Variants in COL5A2 observed in about 807,000 individuals in gnomAD.
COL5A2 encodes collagen alpha-2(V) chain.
In COL5A2, 23 loss-of-function variants were observed where a neutral mutation model predicts 208.2. The observed-to-expected ratio is 0.11, with a 90% CI of 0.08 to 0.16. The LOEUF is 0.16. Among genes scored for constraint, COL5A2 ranks in the 10% least tolerant of loss-of-function variants. The pLI, the probability that COL5A2 is intolerant of heterozygous loss-of-function variation, is 1.00. For missense variants in COL5A2, 1,590 were observed against 1,956.4 expected (o/e 0.81, Z 3.53); for synonymous variants, 625 against 628.5 (o/e 0.99, Z 0.08).
chr2:189,356,950 C>T, the COL5A2 span, among the ~76,000 whole-genome samples: 108 of 152,246 alleles, frequency 7.1e-4, no homozygotes, highest in African/African-American at 2.5e-3. Context: ...GATGTTGATG[C>T]TATTCCTTTC....
intron 1 of COL5A2, among the ~76,000 whole-genome samples, chr2:189,191,145 A>AC (rs1417360867): frequency 3.0e-5 from 2 of 65,658 alleles, no homozygotes; most frequent in Admixed American, 1.5e-4. Context: ...AACCATAAAA[A>AC]AAAAAACAAA....
At chr2:189,402,465 C>T in the COL5A2 span, among the ~76,000 whole-genome samples, 43 of 152,174 alleles carry the variant, frequency 2.8e-4, no homozygotes, top group Non-Finnish European at 1.3e-4. Flanking sequence ...GTGATCCATC[C>T]GCCTCAGCCC....
chr2:189,111,317 C>T lies in COL5A2; in HGVS notation c.98-868G>A, dbSNP rs115066582. On this transcript the variant is annotated intron_variant, in intron 1 of 53. Transcript: ENST00000374866. Reference sequence around the variant, plus strand: ...GTAAACACATATATTACATCATTAACTTTGTGATTTTATAAGAAATACTAC... The same window carrying T: ...GTAAACACATATATTACATCATTAATTTTGTGATTTTATAAGAAATACTAC... Among the ~76,000 whole-genome samples, 795 of 152,218 alleles carry T rather than the reference C, an allele frequency of 5.2e-3. 5 individuals are homozygous for T. The highest frequency in any genetic ancestry group is 0.018 in the African/African-American group (736 of 41,520).
intron 4 of COL5A2, 44 bp downstream of exon 4, chr2:189,100,063 G>A: frequency 1.3e-6 from 2 of 1,485,872 alleles, no homozygotes; most frequent in Middle Eastern, 1.8e-4. Flanking sequence ...TATAAGCTAA[G>A]TTTATTTAAG....
intron 1 of COL5A2, among the ~76,000 whole-genome samples, chr2:189,118,793 T>A (rs1364137033): frequency 6.6e-6 from 1 of 152,156 alleles, no homozygotes; most frequent in Non-Finnish European, 1.5e-5. Context: ...TATTCAGTTT[T>A]GTTCTGCTTT....
chr2:189,413,770 C>A, the COL5A2 span, among the ~76,000 whole-genome samples: 1 of 146,144 alleles, frequency 6.8e-6, no homozygotes, highest in Non-Finnish European at 1.5e-5. Flanking sequence ...AGAAAAACAG[C>A]TTCCTTGGCG....
the COL5A2 span, among the ~76,000 whole-genome samples, chr2:189,335,578 T>C: frequency 8.5e-5 from 13 of 152,256 alleles, 1 homozygote; most frequent in South Asian, 2.7e-3. Context: ...AATTGATGAA[T>C]GAATTTTAAA....
the COL5A2 span, among the ~76,000 whole-genome samples, chr2:189,334,257 C>CA: frequency 6.6e-6 from 1 of 151,102 alleles, no homozygotes; most frequent in Non-Finnish European, 1.5e-5. Context: ...CTAGCCAGTA[C>CA]AAAAAATCAA....
chr2:189,314,830 G>GAAA, the COL5A2 span, among the ~76,000 whole-genome samples: 3 of 152,034 alleles, frequency 2.0e-5, no homozygotes, highest in East Asian at 5.8e-4. Context: ...AGAAAATCTA[G>GAAA]AAAAAATAGA....
chr2:189,217,379 A>T lies in COL5A2; in HGVS notation c.-42+7769T>A, dbSNP rs1370614322. ...ATTTTAACTGTAATAAATTAAGGCC[A>T]CTCTGGCTTCCTTTTTGTCATTCTT... On this transcript the variant is annotated intron_variant, in intron 1 of 10. Coordinates refer to the COL5A2 transcript ENST00000649966. Among the ~76,000 whole-genome samples, 5 of 152,170 alleles carry T rather than the reference A, an allele frequency of 3.3e-5. No individual in the cohort carries two copies. In the East Asian group the frequency reaches 9.6e-4, roughly 29 times the overall value.
the COL5A2 span, among the ~76,000 whole-genome samples, chr2:189,363,403 T>C: frequency 6.6e-6 from 1 of 152,140 alleles, no homozygotes; most frequent in Non-Finnish European, 1.5e-5. Flanking sequence ...TTTTTTTCCA[T>C]TTGTAATTAA....
the COL5A2 span, among the ~76,000 whole-genome samples, chr2:189,412,139 G>A: frequency 6.6e-6 from 1 of 152,128 alleles, no homozygotes; most frequent in Non-Finnish European, 1.5e-5. Flanking sequence ...AAAGAACAAC[G>A]TGTACTATCA....
the COL5A2 span, among the ~76,000 whole-genome samples, chr2:189,294,695 C>G: frequency 3.9e-5 from 6 of 152,280 alleles, no homozygotes; most frequent in Non-Finnish European, 8.8e-5. Flanking sequence ...AGAGCTAAAG[C>G]TATATTGCAA....
the COL5A2 span, among the ~76,000 whole-genome samples, chr2:189,316,793 A>C: frequency 6.6e-6 from 1 of 152,060 alleles, no homozygotes; most frequent in Non-Finnish European, 1.5e-5. Flanking sequence ...GCAAAAAAAA[A>C]AAAAAAGACT....
chr2:189,364,457 C>T, the COL5A2 span, among the ~76,000 whole-genome samples: 1 of 152,120 alleles, frequency 6.6e-6, no homozygotes. Context: ...GAGACCCAGT[C>T]GGGTAAATTA....
chr2:189,095,397 A>G (rs1273604934), intron 6 of COL5A2, among the ~76,000 whole-genome samples: 1 of 152,172 alleles, frequency 6.6e-6, no homozygotes, highest in Non-Finnish European at 1.5e-5. Flanking sequence ...TGCTAGGATT[A>G]AGAGAGGAAC....
At chr2:189,226,466 C>T (rs75633251), upstream of COL5A2, among the ~76,000 whole-genome samples, 3,872 of 152,200 alleles carry the variant, frequency 0.025, 172 homozygotes, top group African/African-American at 0.089. Flanking sequence ...TTTTGTCACC[C>T]TCTCACCATA....
At chr2:189,421,378 A>T in the COL5A2 span, among the ~76,000 whole-genome samples, 1 of 152,156 alleles carries the variant, frequency 6.6e-6, no homozygotes, top group Non-Finnish European at 1.5e-5. Flanking sequence ...CTCAAGTGCT[A>T]AGGAAAGGTG....
chr2:189,219,122 T>C (rs902058964), intron 1 of COL5A2, among the ~76,000 whole-genome samples: 2 of 152,196 alleles, frequency 1.3e-5, no homozygotes. Context: ...ATAACAAAGC[T>C]AGTGCACACA....
Sources: allele counts gnomAD v4.1 joint callset (sites outside exome capture counted in the v4.1 genomes callset), GRCh38; gene constraint gnomAD v4.1.1; transcripts MANE v1.5; gene names NCBI Gene and HGNC (gene_info 2026-07-23, HGNC 2026-07-21).